ITGA9: variants seen among roughly 807,000 people sequenced by gnomAD.
ITGA9 encodes integrin alpha-9.
ITGA9 carries 56 observed loss-of-function variants against 127.8 expected under a neutral mutation model. That is an observed-to-expected ratio of 0.44 (90% confidence interval 0.35 to 0.55). The LOEUF (loss-of-function observed/expected upper bound fraction) is 0.55. Ranked by LOEUF, ITGA9 falls within the 20% of genes least tolerant of loss-of-function variation. The probability of loss-of-function intolerance (pLI) is 0.00; values close to 1 mark genes in which losing one functional copy is unlikely to be tolerated. For missense variants in ITGA9, 1,196 were observed against 1,347.1 expected (o/e 0.89, Z 1.76); for synonymous variants, 508 against 514.5 (o/e 0.99, Z 0.17).
chr3:37,670,515 A>T (rs1159091804), intron 17 of ITGA9, among the ~76,000 whole-genome samples: 1 of 152,220 alleles, frequency 6.6e-6, no homozygotes, highest in East Asian at 1.9e-4. Context: ...TTAACATCAT[A>T]TTCAATTATG....
intron 17 of ITGA9, among the ~76,000 whole-genome samples, chr3:37,661,561 A>G (rs895999939): frequency 1.3e-5 from 2 of 152,362 alleles, no homozygotes; most frequent in African/African-American, 2.4e-5. Context: ...AGATACAATC[A>G]GTTAAGTGCT....
chr3:37,533,624 C>G (rs1262049525), intron 14 of ITGA9, among the ~76,000 whole-genome samples, 156 bp downstream of exon 14: 1 of 152,204 alleles, frequency 6.6e-6, no homozygotes, highest in Non-Finnish European at 1.5e-5. Context: ...TCCTCCCCTT[C>G]TATTTCCTGC....
At chr3:37,614,311 TC>T in intron 15 of ITGA9, among the ~76,000 whole-genome samples, 1 of 151,926 alleles carries the variant, frequency 6.6e-6, no homozygotes, top group East Asian at 1.9e-4. Context: ...TCTGTTCTGT[TC>T]CATTGATCTA....
Position 37,806,671 on chromosome 3 carries a change from A to C in ITGA9, c.3009+2729A>C, listed in dbSNP as rs1194244386. 6.6e-6 allele frequency: 1 copy of C among 152,246 alleles called. No homozygotes were observed. Among genetic ancestry groups the C allele is most frequent in the African/African-American group, 2.4e-5 (1 of 41,450 alleles). The allele number at this position is 152,246 out of a possible 1,614,324, so 9.4% of individuals were successfully genotyped here. On this transcript the variant is annotated intron_variant, in intron 27 of 27. Coordinates refer to ENST00000264741, the MANE Select transcript of ITGA9 (RefSeq NM_002207.3). This position sits in a 1 kb window ranked among gnomAD's most constrained non-coding sequence, Gnocchi z 4.3. ...CCAAAGAGCCAGGACCTGAGAAGGCAGACTCTGCCCTCTGCCACAGACTGG... is the reference window on the plus strand; with the variant it reads ...CCAAAGAGCCAGGACCTGAGAAGGCCGACTCTGCCCTCTGCCACAGACTGG...
chr3:37,726,788 G>A (rs1347660901), intron 18 of ITGA9, among the ~76,000 whole-genome samples: 1 of 152,134 alleles, frequency 6.6e-6, no homozygotes, highest in South Asian at 2.1e-4. Context: ...TGCCAGGCTC[G>A]GTGCCAGACA....
intron 27 of ITGA9, among the ~76,000 whole-genome samples, chr3:37,817,740 C>T (rs562041434): frequency 3.2e-4 from 49 of 152,290 alleles, no homozygotes; most frequent in African/African-American, 1.2e-3. Context: ...GGGCTACAAA[C>T]GTTGCTTCAC....
At chr3:37,807,794 A>T (rs1333176691) in intron 27 of ITGA9, 1 of 152,404 alleles carries the variant, frequency 6.6e-6, no homozygotes, top group Non-Finnish European at 1.5e-5. Context: ...GGCCATTGCC[A>T]TGGGTCAAGG....
intron 3 of ITGA9, among the ~76,000 whole-genome samples, chr3:37,474,662 C>G (rs1252443187): frequency 1.3e-5 from 2 of 152,198 alleles, no homozygotes; most frequent in Non-Finnish European, 2.9e-5. Flanking sequence ...CATAGGCTTT[C>G]TCTTGCCCTT....
intron 1 of ITGA9, among the ~76,000 whole-genome samples, chr3:37,470,189 A>G (rs1490641837): frequency 7.6e-6 from 1 of 131,026 alleles, no homozygotes; most frequent in Non-Finnish European, 1.6e-5. Flanking sequence ...AACATTTTGC[A>G]TGTCTCCTGG....
intron 26 of ITGA9, among the ~76,000 whole-genome samples, chr3:37,801,578 G>A (rs944678351): frequency 6.6e-6 from 1 of 152,220 alleles, no homozygotes; most frequent in Non-Finnish European, 1.5e-5. Context: ...AGAGGTTGCA[G>A]TGAGCTGAGA....
rs747382238 is a variant in ITGA9 at position 37,481,627 on chromosome 3, T to C, written c.544+20T>C. The stretch of plus-strand genomic sequence containing the variant: ...ATGAAGGTGAGCATGGATTGATTTT[T>C]CCTCATCCCCCTACCCACCTCATGC... On this transcript the variant is annotated intron_variant, in intron 4 of 27. Transcript: ENST00000264741. 5 of 1,614,032 alleles carry C rather than the reference T, an allele frequency of 3.1e-6. No individual in the cohort carries two copies. The highest frequency in any genetic ancestry group is 4.2e-6 in the Non-Finnish European group (5 of 1,180,024).
intron 15 of ITGA9, among the ~76,000 whole-genome samples, chr3:37,604,292 C>CG (rs1463499623): frequency 2.0e-5 from 3 of 152,200 alleles, no homozygotes; most frequent in Admixed American, 2.0e-4. Context: ...AGTCATGAGT[C>CG]GAATCTCCCA....
At chr3:37,740,124 T>C (rs1398999090) in intron 20 of ITGA9, among the ~76,000 whole-genome samples, 2 of 152,184 alleles carry the variant, frequency 1.3e-5, no homozygotes, top group African/African-American at 4.8e-5. Context: ...GTGAGAGCTA[T>C]TTAAGTGCTG....
At chr3:37,716,301 G>A (rs560411796) in intron 18 of ITGA9, among the ~76,000 whole-genome samples, 5 of 152,126 alleles carry the variant, frequency 3.3e-5, no homozygotes, top group East Asian at 1.9e-4. Flanking sequence ...TTTACATCCC[G>A]CCCATACTCT....
chr3:37,512,409 G>A (rs1020351831), intron 8 of ITGA9, among the ~76,000 whole-genome samples: 33 of 151,412 alleles, frequency 2.2e-4, no homozygotes, highest in South Asian at 4.2e-4. Flanking sequence ...TAGTAGAGAT[G>A]GGGTTTCACC....
chr3:37,684,697 G>A (rs879407040), intron 18 of ITGA9, among the ~76,000 whole-genome samples: 6 of 152,184 alleles, frequency 3.9e-5, no homozygotes, highest in Admixed American at 3.9e-4. Flanking sequence ...TGGAAATCCT[G>A]ACCTCAAGTG....
At chr3:37,666,025 A>G (rs1450404318) in intron 17 of ITGA9, among the ~76,000 whole-genome samples, 1 of 152,196 alleles carries the variant, frequency 6.6e-6, no homozygotes, top group Non-Finnish European at 1.5e-5. Flanking sequence ...ACAAATGTGG[A>G]TGGAGCACTT....
At chr3:37,540,396 A>G (rs1334746839) in intron 14 of ITGA9, among the ~76,000 whole-genome samples, 1 of 152,226 alleles carries the variant, frequency 6.6e-6, no homozygotes, top group Non-Finnish European at 1.5e-5. Flanking sequence ...TTCTTACTTC[A>G]GGGCAGTTGT....
chr3:37,550,376 T>G (rs535192018), intron 15 of ITGA9, among the ~76,000 whole-genome samples: 2 of 152,350 alleles, frequency 1.3e-5, no homozygotes, highest in African/African-American at 4.8e-5. Context: ...TTCTCTGTGT[T>G]AAGCATATGG....
Sources: allele counts gnomAD v4.1 joint callset (sites outside exome capture counted in the v4.1 genomes callset), GRCh38; gene constraint gnomAD v4.1.1; non-coding constraint Gnocchi (gnomAD v3.1); transcripts MANE v1.5; gene names NCBI Gene and HGNC (gene_info 2026-07-23, HGNC 2026-07-21).